Variants in PCDHGA7 observed in about 807,000 individuals in gnomAD.
PCDHGA7 encodes protocadherin gamma subfamily A, 7, also known as protocadherin gamma-A7.
Under a neutral mutation model 58.3 loss-of-function variants are expected in PCDHGA7, and 44 were observed. The ratio of observed to expected loss-of-function variants is 0.75; its 90% CI spans 0.59 to 0.97. The LOEUF (loss-of-function observed/expected upper bound fraction) is 0.97, where lower values mean the gene tolerates loss of function less well. Ranked by LOEUF, PCDHGA7 falls within the 50% of genes least tolerant of loss-of-function variation. The pLI is 0.00. For missense variants in PCDHGA7, 1,266 were observed against 1,188.7 expected (o/e 1.06, Z -0.96); for synonymous variants, 516 against 504.2 (o/e 1.02, Z -0.31).
chr5:141,408,570 T>C (rs1184307323), intron 1 of PCDHGA7: 5 of 1,613,966 alleles, frequency 3.1e-6, no homozygotes, highest in East Asian at 2.2e-5. Context: ...ATTGTGGTGA[T>C]TGAGGATGTT....
intron 1 of PCDHGA7, among the ~76,000 whole-genome samples, chr5:141,470,877 T>C (rs1438812002): frequency 1.3e-5 from 2 of 151,808 alleles, no homozygotes; most frequent in Non-Finnish European, 2.9e-5. Context: ...TTTGTTTTTT[T>C]GTTTTTGTTT....
In PCDHGA7 at chr5:141,384,714, A is replaced by G. The variant is rs750526941; in HGVS notation, c.1815A>G (p.Ser605=). The G allele has an allele frequency of 5.0e-6, 8 of 1,614,076 alleles. No individual in the cohort carries two copies. The highest frequency in any genetic ancestry group is 1.3e-5 in the African/African-American group (1 of 75,042). ...DKDSGQNAWL[S]YLLLKASEPG... ...ATTCAGGCCAGAACGCCTGGCTGTC[A>G]TACCTCCTGCTTAAGGCCAGCGAGC... Residue 605 remains serine (S), a synonymous_variant, in exon 1 of 4, where the codon TCA becomes TCG. Transcript: ENST00000518325.
intron 1 of PCDHGA7, among the ~76,000 whole-genome samples, chr5:141,456,857 G>A (rs957526443): frequency 6.6e-5 from 10 of 152,234 alleles, no homozygotes; most frequent in African/African-American, 2.4e-4. Context: ...CAGCTAATTG[G>A]GAGGCTGAGG....
At position 141,384,431 on chromosome 5, in the gene PCDHGA7, C is replaced by T. The variant is rs750392601; in HGVS notation, c.1532C>T (p.Thr511Ile). The T allele has an allele frequency of 6.2e-7, 1 of 1,614,000 alleles. No individual in the cohort carries two copies. Among genetic ancestry groups the T allele is most frequent in the South Asian group, 1.1e-5 (1 of 91,092 alleles). ...VSSYVSINSD[T>I]GVLYALQSFD... Reference sequence around the variant, plus strand: ...TCCTATGTCTCCATAAACTCTGACACTGGAGTCCTGTACGCGCTGCAATCC... The same window carrying T: ...TCCTATGTCTCCATAAACTCTGACATTGGAGTCCTGTACGCGCTGCAATCC... Residue 511 changes from threonine (T) to isoleucine (I), a missense_variant, in exon 1 of 4, where the codon ACT becomes ATT. Thr to Ile is a moderately conservative substitution (Grantham distance 89). Transcript: ENST00000518325.
chr5:141,383,748 A>T lies in PCDHGA7; in HGVS notation c.849A>T (p.Lys283Asn). Residue 283 changes from lysine to asparagine, a missense_variant, in exon 1 of 4, where the codon AAA (lysine) becomes AAT (asparagine). Lys to Asn is a moderately conservative substitution (Grantham distance 94, BLOSUM62 0). Transcript: ENST00000518325. Reference protein sequence around the residue: ...VNGEVTYSFRKITPKLPKMFH... With the variant: ...VNGEVTYSFRNITPKLPKMFH... ...GGGAAGTGACATATTCTTTTCGGAAAATAACTCCTAAACTTCCAAAGATGT... is the reference window on the plus strand; with the variant it reads ...GGGAAGTGACATATTCTTTTCGGAATATAACTCCTAAACTTCCAAAGATGT... 6.2e-7 allele frequency: 1 copy of T among 1,613,970 alleles called. No homozygotes were observed. The highest frequency in any genetic ancestry group is 8.5e-7 in the Non-Finnish European group (1 of 1,179,888).
At position 141,477,372 on chromosome 5, in the gene PCDHGA7, CTG is replaced by C; in HGVS notation, c.2425-17432_2425-17431del. On this transcript the variant is annotated intron_variant, in intron 1 of 3. Transcript: ENST00000518325. This position sits in a 1 kb window ranked among gnomAD's most constrained non-coding sequence, Gnocchi z 4.9. ...ACCAGTGCAGACCTGGATCGGGAGA[CTG>C]TGCCAGAATACAACCTCAGCATCAC... The C allele has an allele frequency of 6.2e-7, 1 of 1,614,154 alleles. No homozygotes were observed. The highest frequency in any genetic ancestry group is 8.5e-7 in the Non-Finnish European group (1 of 1,180,030).
At chr5:141,445,268 C>A (rs2098461653) in intron 1 of PCDHGA7, among the ~76,000 whole-genome samples, 1 of 152,170 alleles carries the variant, frequency 6.6e-6, no homozygotes, top group Non-Finnish European at 1.5e-5. Flanking sequence ...TAAGTCGAAA[C>A]CACTCTGCAT....
intron 1 of PCDHGA7, chr5:141,393,555 C>T (rs1561643318): frequency 1.2e-6 from 2 of 1,613,808 alleles, no homozygotes; most frequent in Admixed American, 3.3e-5. Context: ...CCCGATTTAC[C>T]GAGTGAAAGT....
Position 141,490,795 on chromosome 5 carries a change from C to G in PCDHGA7, c.2425-4012C>G. The G allele has an allele frequency of 6.2e-7, 1 of 1,614,036 alleles. No homozygotes were observed. The highest frequency in any genetic ancestry group is 1.1e-5 in the South Asian group (1 of 91,084). Reference sequence around the variant, plus strand: ...CCCAGAGGATGGACGGATCTTTGCCCAGCGTACCTTTGACTATGAATTGCT... The same window carrying G: ...CCCAGAGGATGGACGGATCTTTGCCGAGCGTACCTTTGACTATGAATTGCT... On this transcript the variant is annotated intron_variant, in intron 1 of 3. Transcript: ENST00000518325. This position sits in a 1 kb window ranked among gnomAD's most constrained non-coding sequence, Gnocchi z 5.4.
At chr5:141,404,241 C>T (rs960579159) in intron 1 of PCDHGA7, 9 of 1,613,576 alleles carry the variant, frequency 5.6e-6, no homozygotes, top group African/African-American at 4.0e-5. Context: ...AGAGGAACTC[C>T]GCCCCTGTCC....
Position 141,477,286 on chromosome 5 carries a change from A to G in PCDHGA7, c.2425-17521A>G, listed in dbSNP as rs1367207950. 1.9e-6 allele frequency: 3 copies of G among 1,614,194 alleles called. No individual in the cohort carries two copies. Among genetic ancestry groups the G allele is most frequent in the Non-Finnish European group, 8.5e-7 (1 of 1,180,034 alleles). ...GCGAGAACGGGCTGGTGACCTGCGA[A>G]GTTCCACCGGGTCTCCCTTTCAGCC... On this transcript the variant is annotated intron_variant, in intron 1 of 3. Coordinates refer to ENST00000518325, the MANE Select transcript of PCDHGA7 (RefSeq NM_018920.4). The surrounding 1 kb of genome is among the most constrained non-coding windows in gnomAD (Gnocchi z 4.9).
At chr5:141,386,804 A>G (rs976518864) in intron 1 of PCDHGA7, among the ~76,000 whole-genome samples, 3 of 152,238 alleles carry the variant, frequency 2.0e-5, no homozygotes, top group Non-Finnish European at 2.9e-5. Context: ...AATTTATTAG[A>G]TGCATAAAAT....
chr5:141,489,271 G>A lies in PCDHGA7; in HGVS notation c.2425-5536G>A, dbSNP rs1431562179. The A allele has an allele frequency of 2.4e-5, 37 of 1,554,676 alleles. No individual in the cohort carries two copies. The highest frequency in any genetic ancestry group is 3.0e-5 in the Non-Finnish European group (35 of 1,150,770). ...GCCCAAGACACTCCCACAGCTCGCT[G>A]GGAAATGGCAAGTGCTGTGCATGTT... On this transcript the variant is annotated intron_variant, in intron 1 of 3. Transcript: ENST00000518325. The surrounding 1 kb of genome is among the most constrained non-coding windows in gnomAD (Gnocchi z 4.5).
At chr5:141,445,471 T>A (rs533909401) in intron 1 of PCDHGA7, among the ~76,000 whole-genome samples, 17 of 152,204 alleles carry the variant, frequency 1.1e-4, no homozygotes, top group Non-Finnish European at 2.4e-4. Context: ...AAGGCATATA[T>A]GATTCCTGAG....
intron 1 of PCDHGA7, among the ~76,000 whole-genome samples, chr5:141,480,672 T>A (rs1053078255): frequency 2.0e-5 from 3 of 152,166 alleles, no homozygotes; most frequent in African/African-American, 7.2e-5. Context: ...CCTAGAGACC[T>A]TTTAAAAATT....
At chr5:141,496,617 A>G (rs2099769939) in intron 2 of PCDHGA7, among the ~76,000 whole-genome samples, 2 of 152,236 alleles carry the variant, frequency 1.3e-5, no homozygotes, top group Admixed American at 1.3e-4. Flanking sequence ...AAAAAGCAGC[A>G]GATCAAAAGG....
intron 1 of PCDHGA7, chr5:141,416,112 T>C (rs555358881): frequency 6.4e-6 from 1 of 156,492 alleles, no homozygotes; most frequent in Non-Finnish European, 1.4e-5. Context: ...TTTTTCAAAC[T>C]ACATTTTATA....
intron 1 of PCDHGA7, among the ~76,000 whole-genome samples, chr5:141,474,990 A>G (rs1245269630): frequency 6.6e-6 from 1 of 152,222 alleles, no homozygotes; most frequent in African/African-American, 2.4e-5. Context: ...GGTGACAACA[A>G]TTCTAAATGC....
In PCDHGA7 at chr5:141,383,688, G is replaced by A. The variant is rs1246896425; in HGVS notation, c.789G>A (p.Thr263=). 3.7e-6 allele frequency: 6 copies of A among 1,614,008 alleles called. No homozygotes were observed. Among genetic ancestry groups the A allele is most frequent in the Non-Finnish European group, 5.1e-6 (6 of 1,179,886 alleles). ...TGCCAGTGGGTACAAGACTGCTCAC[G>A]GTACATGCTATCGACCTGGACGAGG... ...ENVPVGTRLL[T]VHAIDLDEGV... is the part of the protein sequence containing the mutation. Residue 263 remains threonine (T), a synonymous_variant, in exon 1 of 4, where the codon ACG becomes ACA. Coordinates refer to ENST00000518325, the MANE Select transcript of PCDHGA7 (RefSeq NM_018920.4).
Sources: allele counts gnomAD v4.1 joint callset (sites outside exome capture counted in the v4.1 genomes callset), GRCh38; gene constraint gnomAD v4.1.1; non-coding constraint Gnocchi (gnomAD v3.1); transcripts MANE v1.5; gene names NCBI Gene and HGNC (gene_info 2026-07-23, HGNC 2026-07-21).